The following FOXP2 variants were observed in gnomAD, a reference collection of about 807,000 sequenced individuals.
FOXP2 encodes forkhead box protein P2.
A neutral mutation model predicts 115.8 loss-of-function variants in FOXP2; 12 were observed. That is an observed-to-expected ratio of 0.10 (90% CI 0.07 to 0.17). The LOEUF is 0.17. Ranked by LOEUF, FOXP2 falls within the 10% of genes least tolerant of loss-of-function variation. FOXP2 has a pLI of 1.00. For synonymous variants in FOXP2, 328 were observed against 297.7 expected, an observed-to-expected ratio of 1.10 and a Z score of -1.05; for missense variants, 629 against 843.5, an observed-to-expected ratio of 0.75 and a Z score of 3.15.
intron 2 of FOXP2, among the ~76,000 whole-genome samples, chr7:114,501,287 T>C (rs1423581751): frequency 6.6e-6 from 1 of 152,156 alleles, no homozygotes; most frequent in African/African-American, 2.4e-5. Context: ...TTTCTAAATA[T>C]TCATTTGTTA....
chr7:114,684,718 C>A (rs890280758), intron 16 of FOXP2, among the ~76,000 whole-genome samples: 2 of 152,088 alleles, frequency 1.3e-5, no homozygotes, highest in African/African-American at 4.8e-5. Context: ...ATTATAAATT[C>A]AACTTATAAC....
intron 1 of FOXP2, among the ~76,000 whole-genome samples, chr7:114,094,747 G>T (rs1055762293): frequency 6.6e-6 from 1 of 151,964 alleles, no homozygotes; most frequent in Non-Finnish European, 1.5e-5. Context: ...TGGTAACCTC[G>T]CCCTCCTGGG....
intron 3 of FOXP2, among the ~76,000 whole-genome samples, chr7:114,578,797 A>G (rs1184354301): frequency 6.6e-6 from 1 of 152,100 alleles, no homozygotes; most frequent in Non-Finnish European, 1.5e-5. Context: ...TTATAGGTCA[A>G]GGTTTTAGAA....
intron 2 of FOXP2, among the ~76,000 whole-genome samples, chr7:114,450,163 T>C (rs541788961): frequency 6.6e-6 from 1 of 152,264 alleles, no homozygotes; most frequent in East Asian, 1.9e-4. Context: ...ATTATGTTGA[T>C]ATGATTTCTG....
In FOXP2 at chr7:114,455,924, A is replaced by G. The variant is rs145918189; in HGVS notation, c.168+29245A>G. Among the ~76,000 whole-genome samples the G allele has an allele frequency of 2.6e-3, 398 of 152,224 alleles. 1 individual carries two copies. Among genetic ancestry groups the G allele is most frequent in the Non-Finnish European group, 3.5e-3 (238 of 67,996 alleles). ...ATTGTGTGTTTTATTGATACAGGCA[A>G]TGTATTTTTTTGCATATAGCACACC... On this transcript the variant is annotated intron_variant, in intron 2 of 16. Transcript: ENST00000350908.
chr7:114,090,080 G>A (rs916717159), intron 1 of FOXP2, among the ~76,000 whole-genome samples: 8 of 151,790 alleles, frequency 5.3e-5, no homozygotes, highest in African/African-American at 1.9e-4. Flanking sequence ...TTGTTTTTGT[G>A]TCATGTTAAA....
intron 1 of FOXP2, among the ~76,000 whole-genome samples, chr7:114,209,064 T>C (rs1794276235): frequency 6.6e-6 from 1 of 152,198 alleles, no homozygotes; most frequent in Non-Finnish European, 1.5e-5. Context: ...GTAGTTCCCA[T>C]AATCCCCAGG....
chr7:114,368,594 T>G (rs1315666694), intron 2 of FOXP2, among the ~76,000 whole-genome samples: 1 of 152,076 alleles, frequency 6.6e-6, no homozygotes, highest in African/African-American at 2.4e-5. Context: ...TTTTGAAAAT[T>G]ATTACTCTCT....
intron 2 of FOXP2, among the ~76,000 whole-genome samples, chr7:114,348,726 T>A (rs552963469): frequency 6.6e-6 from 1 of 152,228 alleles, no homozygotes; most frequent in South Asian, 2.1e-4. Context: ...AGCTTTAAAA[T>A]TCTATAAAGT....
At position 114,587,027 on chromosome 7, in the gene FOXP2, ATTAT is replaced by A. The variant is rs547085796; in HGVS notation, c.259-41498_259-41495del. ...TTAAAGCTGAGTTTAGTAGGTATTC[ATTAT>A]TTATTTATTTATTTTTATGTGCTAT... On this transcript the variant is annotated intron_variant, in intron 3 of 16. Coordinates refer to ENST00000350908, the MANE Select transcript of FOXP2 (RefSeq NM_014491.4). Among the ~76,000 whole-genome samples the A allele has an allele frequency of 6.5e-3, 988 of 151,488 alleles. 10 individuals carry two copies. The highest frequency in any genetic ancestry group is 0.023 in the African/African-American group (937 of 41,280).
At chr7:114,395,191 A>T (rs1792709386) in intron 2 of FOXP2, among the ~76,000 whole-genome samples, 1 of 152,228 alleles carries the variant, frequency 6.6e-6, no homozygotes, top group Non-Finnish European at 1.5e-5. Flanking sequence ...AGAGCCATTA[A>T]TTCAATACAT....
At chr7:114,514,162 T>C (rs1798215338) in intron 2 of FOXP2, among the ~76,000 whole-genome samples, 1 of 151,990 alleles carries the variant, frequency 6.6e-6, no homozygotes, top group South Asian at 2.1e-4. Context: ...TACAAAGTTA[T>C]ATTGTATATA....
At chr7:114,375,553 C>T (rs1266842997) in intron 2 of FOXP2, among the ~76,000 whole-genome samples, 1 of 152,128 alleles carries the variant, frequency 6.6e-6, no homozygotes, top group African/African-American at 2.4e-5. Flanking sequence ...AACTTTGAGG[C>T]TTAAAAAGAG....
chr7:114,631,431 A>G lies in FOXP2; in HGVS notation c.598-97A>G. 8 of 1,538,696 alleles carry G rather than the reference A, an allele frequency of 5.2e-6. 1 individual carries two copies. In the South Asian group the frequency reaches 9.5e-5, roughly 18 times the overall value. ...TGACTATGGGATGACCAAAAAACCC[A>G]CTCAGGCAATGAAAGGAGTGTGCAT... is the stretch of plus-strand genomic sequence containing the variant. On this transcript the variant is annotated intron_variant, in intron 5 of 16. Transcript: ENST00000350908.
chr7:114,383,759 G>A (rs1020910033), intron 2 of FOXP2, among the ~76,000 whole-genome samples: 25 of 152,200 alleles, frequency 1.6e-4, no homozygotes, highest in Admixed American at 5.9e-4. Flanking sequence ...TACATCTTAC[G>A]GGCATTTTTG....
intron 3 of FOXP2, among the ~76,000 whole-genome samples, chr7:114,585,584 AGC>A: frequency 1.3e-5 from 2 of 148,896 alleles, no homozygotes; most frequent in African/African-American, 5.0e-5. Flanking sequence ...AAAAAAAAAA[AGC>A]CAGGCATGGT....
chr7:114,390,279 T>A (rs1309950680), intron 2 of FOXP2, among the ~76,000 whole-genome samples: 1 of 152,080 alleles, frequency 6.6e-6, no homozygotes, highest in Admixed American at 6.5e-5. Context: ...TATCACTTGT[T>A]AAATGTCACT....
At chr7:114,160,936 A>T (rs939863862), upstream of FOXP2, among the ~76,000 whole-genome samples, 1 of 152,140 alleles carries the variant, frequency 6.6e-6, no homozygotes, top group Non-Finnish European at 1.5e-5. Context: ...GTAGATATGG[A>T]TGGCATTAAT....
At position 114,660,537 on chromosome 7, in the gene FOXP2, G is replaced by T. The variant is rs78343457; in HGVS notation, c.1647+864G>T. 9.3e-3 allele frequency among the ~76,000 whole-genome samples: 1,422 copies of T among 152,218 alleles called. 15 individuals are homozygous for T. Among genetic ancestry groups the T allele is most frequent in the African/African-American group, 0.032 (1,344 of 41,520 alleles). On this transcript the variant is annotated intron_variant, in intron 13 of 16. Coordinates refer to ENST00000350908, the MANE Select transcript of FOXP2 (RefSeq NM_014491.4). ...TGGATTTAAAATGCAAATTAATCTG[G>T]CAAGCGATTACAGATATATGGGTGT...
Sources: allele counts gnomAD v4.1 joint callset (sites outside exome capture counted in the v4.1 genomes callset), GRCh38; gene constraint gnomAD v4.1.1; transcripts MANE v1.5; gene names NCBI Gene and HGNC (gene_info 2026-07-23, HGNC 2026-07-21).